Variants in SGCD observed in about 807,000 individuals in gnomAD.
The protein encoded by SGCD is delta-sarcoglycan.
A neutral mutation model predicts 36.6 loss-of-function variants in SGCD; 18 were observed. That is an observed-to-expected ratio of 0.49 (90% CI 0.34 to 0.73). The LOEUF (loss-of-function observed/expected upper bound fraction) is 0.73. Ranked by LOEUF, SGCD falls within the 30% of genes least tolerant of loss-of-function variation. The pLI is 0.01. For synonymous variants in SGCD, 133 were observed against 130.6 expected (o/e 1.02, Z -0.12); for missense variants, 387 against 346.7 (o/e 1.12, Z -0.92).
intron 1 of SGCD, among the ~76,000 whole-genome samples, chr5:156,042,712 TG>T (rs1759666737): frequency 6.6e-6 from 1 of 152,106 alleles, no homozygotes. Flanking sequence ...CTGGTGGGCC[TG>T]GGGGGAGCCA....
chr5:156,508,385 G>C (rs1045786837), intron 3 of SGCD, among the ~76,000 whole-genome samples: 1 of 151,846 alleles, frequency 6.6e-6, no homozygotes, highest in Non-Finnish European at 1.5e-5. Flanking sequence ...AAATTGCTTG[G>C]AATAGAATTT....
chr5:155,869,488 T>C (rs1277709742), upstream of SGCD, among the ~76,000 whole-genome samples: 1 of 152,178 alleles, frequency 6.6e-6, no homozygotes, highest in Non-Finnish European at 1.5e-5. Context: ...AACATTGTTA[T>C]TATACCCATT....
At chr5:156,417,797 G>A (rs181513950) in intron 3 of SGCD, among the ~76,000 whole-genome samples, 8 of 151,450 alleles carry the variant, frequency 5.3e-5, no homozygotes, top group Non-Finnish European at 1.0e-4. Context: ...GTTGGGGGAG[G>A]ACCCAATTCA....
chr5:155,943,767 C>CA (rs137941682), intron 1 of SGCD, among the ~76,000 whole-genome samples: 15,101 of 152,080 alleles, frequency 0.099, 851 homozygotes, highest in South Asian at 0.17. Context: ...ATGTACACAC[C>CA]AACACAATTT....
At chr5:156,217,361 T>C (rs969846061) in intron 3 of SGCD, among the ~76,000 whole-genome samples, 14 of 152,336 alleles carry the variant, frequency 9.2e-5, no homozygotes, top group Admixed American at 8.5e-4. Flanking sequence ...CAAATCCTAA[T>C]CTTTCTAAGA....
intron 3 of SGCD, among the ~76,000 whole-genome samples, chr5:156,314,291 G>A (rs1767459525): frequency 6.6e-6 from 1 of 151,964 alleles, no homozygotes; most frequent in Non-Finnish European, 1.5e-5. Context: ...AGTCTATAAA[G>A]ACTAAACCTG....
At chr5:156,216,090 A>G (rs1764564965) in intron 3 of SGCD, among the ~76,000 whole-genome samples, 1 of 152,170 alleles carries the variant, frequency 6.6e-6, no homozygotes, top group Non-Finnish European at 1.5e-5. Flanking sequence ...AGAACAAATA[A>G]CATGTGATCT....
intron 4 of SGCD, among the ~76,000 whole-genome samples, chr5:156,509,049 A>G (rs1477105468): frequency 6.6e-6 from 1 of 152,226 alleles, no homozygotes; most frequent in East Asian, 1.9e-4. Flanking sequence ...CTTCAAAGCC[A>G]TTTTTAGAAA....
At chr5:156,431,933 C>T (rs545940453) in intron 3 of SGCD, among the ~76,000 whole-genome samples, 2 of 152,242 alleles carry the variant, frequency 1.3e-5, no homozygotes, top group East Asian at 1.9e-4. Flanking sequence ...CCAGTCTGGT[C>T]TCAAACTTCT....
chr5:155,942,299 T>C (rs75306450), intron 1 of SGCD, among the ~76,000 whole-genome samples: 2 of 138,736 alleles, frequency 1.4e-5, no homozygotes, highest in Non-Finnish European at 3.1e-5. Context: ...TGTACGCATG[T>C]ATGTATGTAT....
chr5:155,838,444 T>G, the SGCD span, among the ~76,000 whole-genome samples: 1 of 152,136 alleles, frequency 6.6e-6, no homozygotes, highest in Non-Finnish European at 1.5e-5. Context: ...GTTTCTTACA[T>G]TCTATATTTT....
At chr5:156,061,972 T>G (rs1487114339) in intron 1 of SGCD, among the ~76,000 whole-genome samples, 3 of 101,438 alleles carry the variant, frequency 3.0e-5, no homozygotes, top group Non-Finnish European at 6.0e-5. Flanking sequence ...AGGGTACATG[T>G]GCACATTGTG....
At chr5:156,507,031 GAA>G (rs1756732167) in intron 3 of SGCD, among the ~76,000 whole-genome samples, 1 of 152,178 alleles carries the variant, frequency 6.6e-6, no homozygotes, top group African/African-American at 2.4e-5. Flanking sequence ...CCTACTGATA[GAA>G]GAACCTCCCA....
At chr5:155,748,418 C>A in the SGCD span, among the ~76,000 whole-genome samples, 1 of 152,002 alleles carries the variant, frequency 6.6e-6, no homozygotes, top group Non-Finnish European at 1.5e-5. Flanking sequence ...TCTATCCTAC[C>A]TAATCTGACT....
intron 7 of SGCD, among the ~76,000 whole-genome samples, chr5:156,648,161 C>T (rs1040847954): frequency 5.3e-5 from 8 of 152,110 alleles, no homozygotes; most frequent in Non-Finnish European, 7.4e-5. Context: ...CCCTGTCCCT[C>T]CCGCCAAAAT....
intron 3 of SGCD, among the ~76,000 whole-genome samples, chr5:156,291,665 G>T (rs921866446): frequency 2.6e-5 from 4 of 151,994 alleles, no homozygotes; most frequent in East Asian, 1.9e-4. Flanking sequence ...GGAGAAACTA[G>T]CTATTCTCAC....
intron 4 of SGCD, among the ~76,000 whole-genome samples, chr5:156,563,484 G>A (rs868773119): frequency 1.9e-4 from 29 of 152,306 alleles, no homozygotes; most frequent in East Asian, 1.9e-4. Context: ...GCTTTTCTGC[G>A]AGAAGGCAGT....
At chr5:156,410,979 T>C (rs562227392) in intron 3 of SGCD, among the ~76,000 whole-genome samples, 1 of 152,334 alleles carries the variant, frequency 6.6e-6, no homozygotes, top group South Asian at 2.1e-4. Context: ...TATACTAGTC[T>C]GTAATTGGGA....
intron 7 of SGCD, among the ~76,000 whole-genome samples, chr5:156,726,388 G>GTGTACCACACTCTGCAACCTCTGCA (rs1755774814): frequency 6.6e-6 from 1 of 151,884 alleles, no homozygotes; most frequent in East Asian, 1.9e-4. Context: ...ATCCCTCTGC[G>GTGTACCACACTCTGCAACCTCTGCA]CATTAACCTC....
Sources: gnomAD v4.1 joint callset for allele counts (sites outside exome capture counted in the v4.1 genomes callset) on GRCh38, gnomAD v4.1.1 for gene constraint, MANE v1.5 for transcripts, NCBI Gene and HGNC (gene_info 2026-07-23, HGNC 2026-07-21) for gene names.